RBFOX1: variants seen among roughly 807,000 people sequenced by gnomAD.
RBFOX1 encodes RNA binding protein fox-1 homolog 1.
RBFOX1 carries 8 observed loss-of-function variants against 57.7 expected under a neutral mutation model. The observed-to-expected ratio is 0.14, with a 90% CI of 0.08 to 0.25. The LOEUF is 0.25. Ranked by LOEUF, RBFOX1 falls within the 10% of genes least tolerant of loss-of-function variation. RBFOX1 has a pLI of 1.00. For synonymous variants in RBFOX1, 326 were observed against 222.4 expected, an observed-to-expected ratio of 1.47 and a Z score of -4.15; for missense variants, 611 against 548.5, an observed-to-expected ratio of 1.11 and a Z score of -1.14.
At chr16:5,396,641 C>G (rs968462246) in intron 1 of RBFOX1, among the ~76,000 whole-genome samples, 1 of 151,430 alleles carries the variant, frequency 6.6e-6, no homozygotes, top group Admixed American at 6.6e-5. Context: ...GACTCTGTCT[C>G]GAAGAAAAAG....
chr16:6,762,988 T>G lies in RBFOX1; in HGVS notation c.-16+108338T>G, dbSNP rs1292399803. Among the ~76,000 whole-genome samples, 4 of 152,094 alleles carry G rather than the reference T, an allele frequency of 2.6e-5. No individual in the cohort carries two copies. In the East Asian group the frequency reaches 7.8e-4, roughly 30 times the overall value. Reference sequence around the variant, plus strand: ...GATAGAGGAATACAGCAAAGAAATTTGCCCAGTGCAAATAGGAACATGCAA... The same window carrying G: ...GATAGAGGAATACAGCAAAGAAATTGGCCCAGTGCAAATAGGAACATGCAA... On this transcript the variant is annotated intron_variant, in intron 3 of 15. Transcript: ENST00000550418.
At chr16:7,678,694 T>C (rs1348018510) in intron 14 of RBFOX1, among the ~76,000 whole-genome samples, 1 of 152,156 alleles carries the variant, frequency 6.6e-6, no homozygotes. Flanking sequence ...TTTAAACAAT[T>C]AACAATATTT....
intron 2 of RBFOX1, among the ~76,000 whole-genome samples, chr16:6,466,573 A>T (rs1424285461): frequency 6.6e-6 from 1 of 152,124 alleles, no homozygotes; most frequent in Non-Finnish European, 1.5e-5. Context: ...ACCATTGGAG[A>T]CACCCTCTCT....
intron 3 of RBFOX1, among the ~76,000 whole-genome samples, chr16:5,834,224 A>G (rs375232917): frequency 2.0e-5 from 3 of 152,212 alleles, no homozygotes; most frequent in African/African-American, 7.2e-5. Context: ...TCTCATCTGA[A>G]TAGTGTATAT....
At chr16:7,697,261 G>A (rs576655972) in intron 14 of RBFOX1, among the ~76,000 whole-genome samples, 2 of 152,234 alleles carry the variant, frequency 1.3e-5, no homozygotes, top group East Asian at 1.9e-4. Context: ...GTATTTTGAT[G>A]GGAGAACAAA....
At chr16:6,607,480 C>T (rs954123490) in intron 2 of RBFOX1, among the ~76,000 whole-genome samples, 4 of 146,336 alleles carry the variant, frequency 2.7e-5, no homozygotes, top group Admixed American at 6.9e-5. Flanking sequence ...TCTGTCTCTC[C>T]TTACTCTTTC....
intron 4 of RBFOX1, among the ~76,000 whole-genome samples, chr16:7,099,752 G>A (rs1316742438): frequency 6.6e-6 from 1 of 152,144 alleles, no homozygotes; most frequent in African/African-American, 2.4e-5. Flanking sequence ...CAGGTCATAG[G>A]TAGATTTACA....
intron 2 of RBFOX1, chr16:6,573,989 C>G (rs1286221440): frequency 6.6e-6 from 1 of 152,312 alleles, no homozygotes; most frequent in East Asian, 1.9e-4. Context: ...AACAGACATC[C>G]TCCGCGGGCG....
chr16:5,445,058 G>A (rs976783477), intron 1 of RBFOX1, among the ~76,000 whole-genome samples: 25 of 152,258 alleles, frequency 1.6e-4, no homozygotes, highest in African/African-American at 2.4e-4. Flanking sequence ...ATGATCAGAT[G>A]TGCACTCTGA....
At chr16:7,506,724 T>A (rs1284761354) in intron 4 of RBFOX1, among the ~76,000 whole-genome samples, 3 of 152,194 alleles carry the variant, frequency 2.0e-5, no homozygotes, top group Non-Finnish European at 4.4e-5. Flanking sequence ...ATGTACGAGA[T>A]CCATGTGTTG....
intron 2 of RBFOX1, among the ~76,000 whole-genome samples, chr16:6,435,485 T>A (rs12102435): frequency 0.25 from 38,656 of 151,814 alleles, 5,149 homozygotes; most frequent in East Asian, 0.45. Flanking sequence ...TTCTTTTTCA[T>A]TAGAGGTGGG....
At chr16:6,879,643 A>G (rs571060235) in intron 3 of RBFOX1, among the ~76,000 whole-genome samples, 10 of 152,318 alleles carry the variant, frequency 6.6e-5, no homozygotes, top group South Asian at 2.1e-4. Context: ...AGGAGCTTCA[A>G]GTAAGGTCCA....
chr16:5,421,392 C>G (rs2067322046), intron 1 of RBFOX1, among the ~76,000 whole-genome samples: 1 of 152,196 alleles, frequency 6.6e-6, no homozygotes, highest in African/African-American at 2.4e-5. Flanking sequence ...TACTTCTAAA[C>G]CTAATCCACT....
At chr16:6,311,733 A>G (rs1370694650) in intron 1 of RBFOX1, among the ~76,000 whole-genome samples, 1 of 152,194 alleles carries the variant, frequency 6.6e-6, no homozygotes, top group Non-Finnish European at 1.5e-5. Flanking sequence ...GTTACTGCTA[A>G]GCAGCTTCCT....
chr16:6,528,144 C>G (rs1012447554), intron 2 of RBFOX1, among the ~76,000 whole-genome samples: 2 of 152,114 alleles, frequency 1.3e-5, no homozygotes, highest in African/African-American at 4.8e-5. Flanking sequence ...TTACCTAAAC[C>G]TTGATTCTGT....
intron 1 of RBFOX1, among the ~76,000 whole-genome samples, chr16:5,327,645 A>T (rs1477365614): frequency 6.6e-6 from 1 of 152,126 alleles, no homozygotes; most frequent in Non-Finnish European, 1.5e-5. Flanking sequence ...ACTACATGCC[A>T]AGGGCCAGAG....
At chr16:6,520,727 C>T (rs2153800971) in intron 2 of RBFOX1, among the ~76,000 whole-genome samples, 1 of 152,276 alleles carries the variant, frequency 6.6e-6, no homozygotes, top group South Asian at 2.1e-4. Context: ...CCCTTAGAAC[C>T]TCTAAGTGGC....
intron 4 of RBFOX1, among the ~76,000 whole-genome samples, chr16:7,398,005 G>A (rs74012548): frequency 0.015 from 2,231 of 151,332 alleles, 57 homozygotes; most frequent in African/African-American, 0.051. Context: ...CTTCCCTTAC[G>A]GCCGTTAGTG....
chr16:6,961,091 C>T lies in RBFOX1; in HGVS notation c.-15-90966C>T, dbSNP rs188814993. ...CCGGGAGGCGGGAGTTGCAGTGAGC[C>T]GAGATCATGCCACTGCATTCCAGCC... On this transcript the variant is annotated intron_variant, in intron 3 of 15. Coordinates refer to ENST00000550418, the MANE Select transcript of RBFOX1 (RefSeq NM_018723.4). 8.0e-5 allele frequency among the ~76,000 whole-genome samples: 12 copies of T among 149,238 alleles called. 1 individual carries two copies. In the East Asian group the frequency reaches 9.9e-4, roughly 12 times the overall value.
Sources: gnomAD v4.1 joint callset for allele counts (sites outside exome capture counted in the v4.1 genomes callset) on GRCh38, gnomAD v4.1.1 for gene constraint, MANE v1.5 for transcripts, NCBI Gene and HGNC (gene_info 2026-07-23, HGNC 2026-07-21) for gene names.